Variants in UTP4 observed in about 807,000 individuals in gnomAD.
The protein encoded by UTP4 is UTP4 small subunit processome component.
A neutral mutation model predicts 82.4 loss-of-function variants in UTP4; 45 were observed. That is an observed-to-expected ratio of 0.55 (90% CI 0.43 to 0.70). The LOEUF (loss-of-function observed/expected upper bound fraction) is 0.70, where lower values mean the gene tolerates loss of function less well. UTP4 is among the 30% of genes least tolerant of loss of function. The probability of loss-of-function intolerance (pLI) is 0.00; values close to 1 mark genes in which losing one functional copy is unlikely to be tolerated. For missense variants in UTP4, 819 were observed against 858.3 expected (o/e 0.95, Z 0.57); for synonymous variants, 348 against 300.3 (o/e 1.16, Z -1.64).
chr16:69,150,798 C>A lies in UTP4; in HGVS notation c.911-15C>A, dbSNP rs2152280307. ...TGACTTCTAATTCTGTACACCTTCT[C>A]CCCTGCTTTCCCAGGCACTGACACC... On this transcript the variant is annotated splice_polypyrimidine_tract_variant and intron_variant, in intron 7 of 16. Transcript: ENST00000314423. 4 of 1,613,380 alleles carry A rather than the reference C, an allele frequency of 2.5e-6. No homozygotes were observed. Among genetic ancestry groups the A allele is most frequent in the Non-Finnish European group, 3.4e-6 (4 of 1,179,312 alleles).
In UTP4 at chr16:69,136,685, T is replaced by C. The variant is rs780682272; in HGVS notation, c.160-11T>C. 6.2e-7 allele frequency: 1 copy of C among 1,613,882 alleles called. No homozygotes were observed. Among genetic ancestry groups the C allele is most frequent in the Non-Finnish European group, 8.5e-7 (1 of 1,179,800 alleles). On this transcript the variant is annotated splice_polypyrimidine_tract_variant and intron_variant, in intron 2 of 16. Coordinates refer to ENST00000314423, the MANE Select transcript of UTP4 (RefSeq NM_032830.3). ...TTGTGGTAATGTTGAGAAGTTATGG[T>C]GTTTCTGCAGTTTTTCCCAGGTCAT...
At position 69,133,562 on chromosome 16, in the gene UTP4, C is replaced by G. The variant is rs770416587; in HGVS notation, c.103C>G (p.Arg35Gly). Residue 35 changes from arginine (R) to glycine (G), a missense_variant, in exon 2 of 17, where the codon CGA (arginine) becomes GGA (glycine). Coordinates refer to ENST00000314423, the MANE Select transcript of UTP4 (RefSeq NM_032830.3). ...CCAGTCAAACAGATTGGCTGTTTCA[C>G]GAACAGATGGCACTGTGGAAATTTA... is the stretch of plus-strand genomic sequence containing the variant. ...NNQSNRLAVS[R>G]TDGTVEIYNL... is the part of the protein sequence containing the mutation. 6.2e-7 allele frequency: 1 copy of G among 1,613,994 alleles called. No homozygotes were observed. The highest frequency in any genetic ancestry group is 1.3e-5 in the African/African-American group (1 of 74,910).
chr16:69,161,446 G>A (rs1039244987), intron 13 of UTP4, among the ~76,000 whole-genome samples: 8 of 152,192 alleles, frequency 5.3e-5, no homozygotes, highest in African/African-American at 1.9e-4. Context: ...TTTGAGCCTT[G>A]CCTGGCATTT....
chr16:69,138,044 A>AC, intron 4 of UTP4, 159 bp downstream of exon 4: 1 of 649,308 alleles, frequency 1.5e-6, no homozygotes. Flanking sequence ...CCCAGGCTTT[A>AC]CCCATTGTAT....
Position 69,157,122 on chromosome 16 carries a change from G to T in UTP4, c.1326G>T (p.Gln442His), listed in dbSNP as rs150322043. The T allele has an allele frequency of 6.2e-7, 1 of 1,614,046 alleles. No homozygotes were observed. The highest frequency in any genetic ancestry group is 2.2e-5 in the East Asian group (1 of 44,898). Residue 442 changes from glutamine (Q) to histidine (H), a missense_variant, in exon 12 of 17, where the codon CAG becomes CAT. Coordinates refer to ENST00000314423, the MANE Select transcript of UTP4 (RefSeq NM_032830.3). ...KMPAFLRSAL[Q>H]ILFSEDSTKL... ...CAGCATTCCTTCGCTCTGCCCTTCAGATTTTGTTTTCTGAAGATTCAACAA... is the reference window on the plus strand; with the variant it reads ...CAGCATTCCTTCGCTCTGCCCTTCATATTTTGTTTTCTGAAGATTCAACAA...
chr16:69,142,483 A>C (rs1464381036), intron 5 of UTP4, among the ~76,000 whole-genome samples: 1 of 152,168 alleles, frequency 6.6e-6, no homozygotes, highest in South Asian at 2.1e-4. Context: ...CTTCTTAGTC[A>C]GGGCATGGCT....
In UTP4 at chr16:69,165,388, G is replaced by A; in HGVS notation, c.1695G>A (p.Arg565=). ...ACAAACAGTATACAGATTGGAGCCG[G>A]ACTGTCCAGAAGCAGGGCTTTCACC... ...IPDKQYTDWS[R]TVQKQGFHHL... The change falls in exon 15 of 17, where the codon CGG becomes CGA. Residue 565 remains arginine, a synonymous_variant. Transcript: ENST00000314423. 1.2e-6 allele frequency: 2 copies of A among 1,614,106 alleles called. No individual in the cohort carries two copies. Among genetic ancestry groups the A allele is most frequent in the Non-Finnish European group, 8.5e-7 (1 of 1,180,032 alleles).
chr16:69,136,633 A>G (rs1470098073), intron 2 of UTP4, 63 bp from the exon 3 acceptor site: 3 of 1,531,984 alleles, frequency 2.0e-6, no homozygotes, highest in Non-Finnish European at 2.7e-6. Context: ...GTTGCCTGTG[A>G]CCACTCAGTA....
chr16:69,168,686 T>G lies in UTP4; in HGVS notation c.1945-135T>G, dbSNP rs1335742939. ...TTTTGAGTCCCAGGGCAGGAAAGATTGTCAAGAAATTTAAATCATTTGAGC... is the reference window on the plus strand; with the variant it reads ...TTTTGAGTCCCAGGGCAGGAAAGATGGTCAAGAAATTTAAATCATTTGAGC... On this transcript the variant is annotated intron_variant, in intron 16 of 16. Coordinates refer to ENST00000314423, the MANE Select transcript of UTP4 (RefSeq NM_032830.3). 6.7e-6 allele frequency: 5 copies of G among 742,950 alleles called. No individual in the cohort carries two copies. The South Asian group carries it at 7.3e-5, about 11-fold the overall frequency. The allele number at this position is 742,950 out of a possible 1,614,324, so 46.0% of individuals were successfully genotyped here. A position where few individuals can be genotyped will look rare whatever the true frequency, so the allele number is the denominator to read the frequency against.
In UTP4 at chr16:69,167,247, A is replaced by G. The variant is rs1294935402; in HGVS notation, c.1944+62A>G. ...TCCTTTGTGATACCAAAATGTAATA[A>G]ACTCCACAATCGGAAGATAAGAGCA... is the stretch of plus-strand genomic sequence containing the variant. On this transcript the variant is annotated intron_variant, in intron 16 of 16. Transcript: ENST00000314423. 4.6e-6 allele frequency: 5 copies of G among 1,089,760 alleles called. No individual in the cohort carries two copies. In the African/African-American group the frequency reaches 7.7e-5, roughly 17 times the overall value. 67.5% of individuals were successfully genotyped at this position (1,089,760 alleles called of 1,614,324 possible). A position where few individuals can be genotyped will look rare whatever the true frequency, so the allele number is the denominator to read the frequency against.
At chr16:69,160,519 C>T in intron 13 of UTP4, 57 bp downstream of exon 13, 2 of 1,256,492 alleles carry the variant, frequency 1.6e-6, no homozygotes, top group Non-Finnish European at 2.3e-6. Flanking sequence ...CCAGTTCACC[C>T]TGCAGTTACA....
At chr16:69,166,895 G>A in intron 15 of UTP4, 180 bp from the exon 16 acceptor site, 1 of 599,352 alleles carries the variant, frequency 1.7e-6, no homozygotes, top group South Asian at 2.0e-5. Context: ...TTCCCCCCTA[G>A]TTTTTCTGAA....
At chr16:69,146,096 C>CA (rs759547632) in intron 6 of UTP4, among the ~76,000 whole-genome samples, 7,159 of 103,184 alleles carry the variant, frequency 0.069, 183 homozygotes, top group South Asian at 0.097. Flanking sequence ...GACTCTGTCT[C>CA]AAAAAAAAAA....
At chr16:69,158,486 A>G (rs1183570104) in intron 12 of UTP4, among the ~76,000 whole-genome samples, 1 of 151,392 alleles carries the variant, frequency 6.6e-6, no homozygotes, top group Non-Finnish European at 1.5e-5. Context: ...TTTATCTTCA[A>G]CTCTCACTGT....
At chr16:69,144,564 C>T (rs966970695) in intron 6 of UTP4, among the ~76,000 whole-genome samples, 1 of 152,200 alleles carries the variant, frequency 6.6e-6, no homozygotes, top group Admixed American at 6.5e-5. Flanking sequence ...AGTATTTTAG[C>T]AGTGAGACAT....
rs373201620 is a variant in UTP4 at position 69,136,655 on chromosome 16, T to G, written c.160-41T>G. The G allele has an allele frequency of 6.2e-6, 10 of 1,604,506 alleles. No individual in the cohort carries two copies. In the Admixed American group the frequency reaches 1.2e-4, roughly 19 times the overall value. On this transcript the variant is annotated intron_variant, in intron 2 of 16. Transcript: ENST00000314423. Reference sequence around the variant, plus strand: ...GTGACCACTCAGTACCGGTACCTGATGAATTTGTGGTAATGTTGAGAAGTT... The same window carrying G: ...GTGACCACTCAGTACCGGTACCTGAGGAATTTGTGGTAATGTTGAGAAGTT...
chr16:69,152,636 ATT>A (rs1281104210), intron 8 of UTP4, among the ~76,000 whole-genome samples: 4 of 150,532 alleles, frequency 2.7e-5, no homozygotes, highest in Non-Finnish European at 5.9e-5. Context: ...CGCCTAGGTA[ATT>A]TTTTTTGTAT....
At chr16:69,136,397 T>A (rs990379911) in intron 2 of UTP4, among the ~76,000 whole-genome samples, 1 of 152,190 alleles carries the variant, frequency 6.6e-6, no homozygotes, top group African/African-American at 2.4e-5. Flanking sequence ...CCGGCTACTT[T>A]TTATATTTTT....
intron 10 of UTP4, among the ~76,000 whole-genome samples, chr16:69,155,540 T>G (rs1963388412): frequency 6.6e-6 from 1 of 152,192 alleles, no homozygotes; most frequent in Non-Finnish European, 1.5e-5. Context: ...AAATAAGTAC[T>G]TCAAACCACC....
Sources: allele counts gnomAD v4.1 joint callset (sites outside exome capture counted in the v4.1 genomes callset), GRCh38; gene constraint gnomAD v4.1.1; transcripts MANE v1.5; gene names NCBI Gene and HGNC (gene_info 2026-07-23, HGNC 2026-07-21).